The following ARMC8 variants were observed in gnomAD, a reference collection of about 807,000 sequenced individuals.
ARMC8 encodes the protein armadillo repeat-containing protein 8.
Under a neutral mutation model 99.3 loss-of-function variants are expected in ARMC8, and 20 were observed. That is an observed-to-expected ratio of 0.20 (90% CI 0.14 to 0.29). The LOEUF is 0.29. ARMC8 is among the 10% of genes least tolerant of loss of function. The probability of loss-of-function intolerance (pLI) is 1.00; values close to 1 mark genes in which losing one functional copy is unlikely to be tolerated. For missense variants in ARMC8, 569 were observed against 809.5 expected (o/e 0.70, Z 3.60); for synonymous variants, 263 against 278.3 (o/e 0.95, Z 0.55).
intron 1 of ARMC8, among the ~76,000 whole-genome samples, chr3:138,189,717 T>C (rs1047482224): frequency 2.6e-5 from 4 of 152,196 alleles, no homozygotes; most frequent in African/African-American, 9.6e-5. Flanking sequence ...TTATACCTTC[T>C]CCTTGGGAAA....
chr3:138,283,828 G>T (rs1028350249), intron 18 of ARMC8, among the ~76,000 whole-genome samples: 1 of 152,134 alleles, frequency 6.6e-6, no homozygotes, highest in Admixed American at 6.5e-5. Flanking sequence ...GACCAGCCTG[G>T]ACTAAGTTGC....
At chr3:138,219,589 AT>A (rs1242345428) in intron 2 of ARMC8, among the ~76,000 whole-genome samples, 5 of 152,212 alleles carry the variant, frequency 3.3e-5, no homozygotes, top group African/African-American at 4.8e-5. Flanking sequence ...TGATTGCTTA[AT>A]CCTGTTAATC....
rs2045845208 is a variant in ARMC8 at position 138,229,098 on chromosome 3, A to G, written c.528+88A>G. 5.2e-6 allele frequency: 3 copies of G among 578,338 alleles called. No homozygotes were observed. The African/African-American group carries it at 6.0e-5, about 12-fold the overall frequency. 35.8% of individuals were successfully genotyped at this position (578,338 alleles called of 1,614,324 possible). On this transcript the variant is annotated intron_variant, in intron 6 of 21. Coordinates refer to ENST00000469044, the MANE Select transcript of ARMC8 (RefSeq NM_001363941.2). ...CTTCTTTGTGTACCCTCCCAGGGGT[A>G]GTCATACATATATAAGTAGACCTGT... is the stretch of plus-strand genomic sequence containing the variant.
chr3:138,241,014 C>T (rs1196856516), intron 10 of ARMC8, among the ~76,000 whole-genome samples: 2 of 152,140 alleles, frequency 1.3e-5, no homozygotes, highest in Non-Finnish European at 2.9e-5. Context: ...CGTGCCATTG[C>T]ACTCCAGCCT....
intron 6 of ARMC8, among the ~76,000 whole-genome samples, chr3:138,233,160 C>G (rs1309389069): frequency 6.6e-6 from 1 of 152,190 alleles, no homozygotes; most frequent in Non-Finnish European, 1.5e-5. Flanking sequence ...GTGTTTAGAG[C>G]AGTGCCTGGC....
intron 13 of ARMC8, 76 bp from the exon 14 acceptor site, chr3:138,264,055 G>A (rs1289663326): frequency 1.2e-5 from 17 of 1,383,000 alleles, no homozygotes; most frequent in South Asian, 3.6e-5. Flanking sequence ...ATTAGTCATT[G>A]TAAAATGCCA....
chr3:138,203,584 A>G (rs2044197017), intron 1 of ARMC8, among the ~76,000 whole-genome samples: 2 of 152,316 alleles, frequency 1.3e-5, no homozygotes, highest in South Asian at 2.1e-4. Context: ...GGGGGCAGGG[A>G]GAACTTGGAA....
chr3:138,266,540 C>T lies in ARMC8; in HGVS notation c.1300-615C>T, dbSNP rs139508206. Among the ~76,000 whole-genome samples the T allele has an allele frequency of 8.7e-4, 132 of 152,256 alleles. 1 individual carries two copies. The highest frequency in any genetic ancestry group is 2.9e-3 in the African/African-American group (121 of 41,550). The stretch of plus-strand genomic sequence containing the variant: ...GCTACGGTACTTCCCTTATTATTCA[C>T]TATATCACATTTAATCCTAAATAGT... On this transcript the variant is annotated intron_variant, in intron 14 of 21. Coordinates refer to ENST00000469044, the MANE Select transcript of ARMC8 (RefSeq NM_001363941.2).
chr3:138,269,898 C>G, intron 15 of ARMC8, 142 bp from the exon 16 acceptor site: 1 of 273,818 alleles, frequency 3.7e-6, no homozygotes, highest in Non-Finnish European at 6.7e-6. Context: ...ATTTTTATGG[C>G]TACATCACTC....
chr3:138,205,991 A>G (rs2044353199), intron 1 of ARMC8, among the ~76,000 whole-genome samples: 1 of 152,254 alleles, frequency 6.6e-6, no homozygotes, highest in South Asian at 2.1e-4. Context: ...TAAAAAGGAA[A>G]CAAGTGAAGT....
intron 19 of ARMC8, chr3:138,287,700 A>T (rs1162545897): frequency 2.2e-6 from 1 of 456,706 alleles, no homozygotes; most frequent in Non-Finnish European, 4.4e-6. Flanking sequence ...TAGCCATAGA[A>T]TTCTACTGGA....
In ARMC8 at chr3:138,262,658, C is replaced by T; in HGVS notation, c.1135-1081C>T. 3.5e-6 allele frequency: 5 copies of T among 1,437,214 alleles called. No homozygotes were observed. In the South Asian group the frequency reaches 4.3e-5, roughly 12 times the overall value. The allele number at this position is 1,437,214 out of a possible 1,614,324, so 89.0% of individuals were successfully genotyped here. On this transcript the variant is annotated intron_variant, in intron 12 of 21. Coordinates refer to ENST00000469044, the MANE Select transcript of ARMC8 (RefSeq NM_001363941.2). ...CCCTGGAGAATCTAATTTAATTGGT[C>T]TGCTGTATGGCCTGGACATAGGATT...
intron 19 of ARMC8, chr3:138,287,527 G>A (rs998224062): frequency 2.5e-6 from 1 of 403,894 alleles, no homozygotes; most frequent in Non-Finnish European, 5.1e-6. Flanking sequence ...CTTATGCATA[G>A]TAAATGCATA....
At chr3:138,271,984 A>G (rs2048848412) in intron 16 of ARMC8, among the ~76,000 whole-genome samples, 1 of 152,126 alleles carries the variant, frequency 6.6e-6, no homozygotes, top group Middle Eastern at 3.2e-3. Flanking sequence ...TTGTATCAAA[A>G]GTTGATTTGT....
intron 12 of ARMC8, among the ~76,000 whole-genome samples, chr3:138,253,981 G>C (rs1289139579): frequency 6.6e-6 from 1 of 152,192 alleles, no homozygotes; most frequent in African/African-American, 2.4e-5. Flanking sequence ...TTATTTGGAA[G>C]ATTTCTTACC....
intron 1 of ARMC8, among the ~76,000 whole-genome samples, chr3:138,203,350 A>G (rs1038877425): frequency 4.6e-5 from 7 of 152,216 alleles, no homozygotes; most frequent in African/African-American, 1.7e-4. Context: ...GTAGGTTAGT[A>G]ATACAAATGT....
intron 21 of ARMC8, among the ~76,000 whole-genome samples, 168 bp downstream of exon 21, chr3:138,290,807 A>G (rs962494696): frequency 1.3e-5 from 2 of 152,246 alleles, no homozygotes; most frequent in African/African-American, 4.8e-5. Flanking sequence ...TGAGCTGTAA[A>G]CTAATAATTA....
In ARMC8 at chr3:138,250,111, T is replaced by A. The variant is rs575985727; in HGVS notation, c.1134+4928T>A. On this transcript the variant is annotated intron_variant, in intron 12 of 21. Transcript: ENST00000469044. ...AAGCGAAGAGTGAGATTAAAAAAAA[T>A]TTTTTTTTGAGAAGTGTAGACAGAA... Among the ~76,000 whole-genome samples, 504 of 151,896 alleles carry A rather than the reference T, an allele frequency of 3.3e-3. 2 individuals are homozygous for A. Among genetic ancestry groups the A allele is most frequent in the African/African-American group, 9.2e-3 (382 of 41,456 alleles).
At position 138,290,603 on chromosome 3, in the gene ARMC8, A is replaced by G; in HGVS notation, c.1952A>G (p.Lys651Arg). 4 of 1,607,278 alleles carry G rather than the reference A, an allele frequency of 2.5e-6. No individual in the cohort carries two copies. The highest frequency in any genetic ancestry group is 3.4e-6 in the Non-Finnish European group (4 of 1,177,162). The change falls in exon 21 of 22, where the codon AAA (lysine) becomes AGA (arginine). Residue 651 changes from lysine (K) to arginine (R), a missense_variant. Around this residue, in one of 2 missense-constraint regions of ARMC8, gnomAD observed 227 missense variants for 417.9 expected, o/e 0.54. Transcript: ENST00000469044. The stretch of plus-strand genomic sequence containing the variant: ...ATGGGCATCGTAGATATTCTACACA[A>G]ACTGAGTCAGTCACCAGATTCAAAC... Reference protein sequence around the residue: ...RDMGIVDILHKLSQSPDSNLC... With the variant: ...RDMGIVDILHRLSQSPDSNLC...
Sources: gnomAD v4.1 joint callset for allele counts (sites outside exome capture counted in the v4.1 genomes callset) on GRCh38, gnomAD v4.1.1 for gene constraint, gnomAD v4.1.1 regional missense constraint, MANE v1.5 for transcripts, NCBI Gene and HGNC (gene_info 2026-07-23, HGNC 2026-07-21) for gene names.